UGT8: variants seen among roughly 807,000 people sequenced by gnomAD.
UGT8 encodes UDP glycosyltransferase 8, also known as 2-hydroxyacylsphingosine 1-beta-galactosyltransferase.
A neutral mutation model predicts 40.5 loss-of-function variants in UGT8; 12 were observed. The observed-to-expected ratio is 0.30, with a 90% CI of 0.19 to 0.48. UGT8 has a LOEUF of 0.48. Ranked by LOEUF, UGT8 falls within the 20% of genes least tolerant of loss-of-function variation. The probability of loss-of-function intolerance (pLI) is 0.99; values close to 1 mark genes in which losing one functional copy is unlikely to be tolerated. For synonymous variants in UGT8, 224 were observed against 240.4 expected, an observed-to-expected ratio of 0.93 and a Z score of 0.63; for missense variants, 513 against 648.7, an observed-to-expected ratio of 0.79 and a Z score of 2.27.
chr4:114,672,305 A>G (rs1560712548), intron 5 of UGT8, among the ~76,000 whole-genome samples: 1 of 152,224 alleles, frequency 6.6e-6, no homozygotes. Context: ...TTGACCCAGC[A>G]ATCCCAGTAC....
intron 2 of UGT8, among the ~76,000 whole-genome samples, chr4:114,653,059 G>A (rs539674972): frequency 6.6e-6 from 1 of 151,956 alleles, no homozygotes; most frequent in South Asian, 2.1e-4. Flanking sequence ...GTTCTGGATC[G>A]TTGACTTTGT....
chr4:114,609,650 G>T (rs1056470710), intron 1 of UGT8, among the ~76,000 whole-genome samples: 2 of 152,076 alleles, frequency 1.3e-5, no homozygotes, highest in Admixed American at 6.5e-5. Flanking sequence ...GTGGAGATGG[G>T]ATAGGCATCT....
chr4:114,669,596 T>A (rs1369446316), intron 5 of UGT8, among the ~76,000 whole-genome samples: 1 of 152,104 alleles, frequency 6.6e-6, no homozygotes, highest in Non-Finnish European at 1.5e-5. Context: ...AGGAAGTTAG[T>A]CCAGCTGTGT....
chr4:114,620,967 A>G (rs184629689), intron 1 of UGT8, among the ~76,000 whole-genome samples: 1 of 152,274 alleles, frequency 6.6e-6, no homozygotes, highest in East Asian at 1.9e-4. Flanking sequence ...AGATTTTTGA[A>G]ATGTGTCCAG....
At chr4:114,644,306 A>G (rs1051105763) in intron 2 of UGT8, among the ~76,000 whole-genome samples, 1 of 152,170 alleles carries the variant, frequency 6.6e-6, no homozygotes, top group African/African-American at 2.4e-5. Flanking sequence ...TAATAACCAG[A>G]TTAGGAATAT....
chr4:114,641,519 C>A (rs535968139), intron 2 of UGT8, among the ~76,000 whole-genome samples: 3 of 152,078 alleles, frequency 2.0e-5, no homozygotes, highest in Non-Finnish European at 4.4e-5. Flanking sequence ...AAAACTGTGG[C>A]GTCTGTAAAC....
intron 1 of UGT8, among the ~76,000 whole-genome samples, chr4:114,609,876 A>G (rs145194479): frequency 0.018 from 2,697 of 152,302 alleles, 31 homozygotes; most frequent in Non-Finnish European, 0.028. Flanking sequence ...GGTGGCCTGT[A>G]CAGTGAGTAT....
intron 1 of UGT8, among the ~76,000 whole-genome samples, chr4:114,621,530 A>G (rs1457975443): frequency 1.3e-5 from 2 of 152,200 alleles, no homozygotes; most frequent in Non-Finnish European, 1.5e-5. Context: ...TTTCTTTGGT[A>G]TGCTTTGATT....
At chr4:114,624,112 G>T (rs1402680727) in intron 2 of UGT8, among the ~76,000 whole-genome samples, 2 of 152,162 alleles carry the variant, frequency 1.3e-5, no homozygotes, top group East Asian at 3.8e-4. Context: ...TTAGCTTCAG[G>T]TCAGTGAACA....
intron 2 of UGT8, chr4:114,663,650 CT>C (rs1433095107): frequency 1.2e-5 from 12 of 979,158 alleles, no homozygotes; most frequent in African/African-American, 1.8e-5. Context: ...TAATCCACAT[CT>C]TTTGTTTGTG....
At chr4:114,622,854 A>T in intron 1 of UGT8, 25 bp from the exon 2 acceptor site, 2 of 1,567,568 alleles carry the variant, frequency 1.3e-6, no homozygotes, top group Non-Finnish European at 1.7e-6. Flanking sequence ...TTTTGTTTTA[A>T]GTTGTTTTCT....
At chr4:114,662,155 A>G (rs1206577073) in intron 2 of UGT8, among the ~76,000 whole-genome samples, 1 of 152,230 alleles carries the variant, frequency 6.6e-6, no homozygotes, top group African/African-American at 2.4e-5. Flanking sequence ...TAAAACTATC[A>G]TAAGTTGAAA....
chr4:114,654,066 T>C (rs1398173984), intron 2 of UGT8, among the ~76,000 whole-genome samples: 1 of 152,122 alleles, frequency 6.6e-6, no homozygotes, highest in East Asian at 1.9e-4. Context: ...ACCAGAATTA[T>C]TTTGGAAATT....
At chr4:114,637,351 C>T (rs1249837093) in intron 2 of UGT8, among the ~76,000 whole-genome samples, 1 of 152,148 alleles carries the variant, frequency 6.6e-6, no homozygotes, top group Non-Finnish European at 1.5e-5. Flanking sequence ...GGACACATCC[C>T]ATGTTGCTGT....
chr4:114,663,559 A>G (rs1360694060), intron 2 of UGT8: 1 of 221,520 alleles, frequency 4.5e-6, no homozygotes, highest in Non-Finnish European at 7.6e-6. Context: ...TTGATTTTCA[A>G]CACAAATCAA....
At chr4:114,664,914 CA>C (rs1332146885) in intron 3 of UGT8, among the ~76,000 whole-genome samples, 1 of 152,154 alleles carries the variant, frequency 6.6e-6, no homozygotes, top group African/African-American at 2.4e-5. Flanking sequence ...CCCTTTATAG[CA>C]AATGAGTAAG....
At chr4:114,661,798 C>A (rs1362584292) in intron 2 of UGT8, among the ~76,000 whole-genome samples, 4 of 152,148 alleles carry the variant, frequency 2.6e-5, no homozygotes, top group African/African-American at 9.7e-5. Flanking sequence ...ATAATATCTT[C>A]TAAAAGTACT....
In UGT8 at chr4:114,677,587, C is replaced by G. The variant is rs1332363226; in HGVS notation, c.*1299C>G. On this transcript the variant is annotated 3_prime_UTR_variant, in exon 6 of 6. Transcript: ENST00000310836. ...AGCAGTGACAGTATTCATTTGAGAA[C>G]AGGGATGCAAGTCACAGACATCATA... The G allele has an allele frequency of 1.3e-5, 2 of 152,260 alleles. No homozygotes were observed. The highest frequency in any genetic ancestry group is 3.8e-4 in the East Asian group (2 of 5,202). 9.4% of individuals were successfully genotyped at this position (152,260 alleles called of 1,614,324 possible). A position where few individuals can be genotyped will look rare whatever the true frequency, so the allele number is the denominator to read the frequency against.
At chr4:114,659,447 G>C (rs1205043905) in intron 2 of UGT8, among the ~76,000 whole-genome samples, 1 of 152,134 alleles carries the variant, frequency 6.6e-6, no homozygotes, top group Non-Finnish European at 1.5e-5. Context: ...GCTGATTTCT[G>C]GTTCAGTATT....
Sources: gnomAD v4.1 joint callset for allele counts (sites outside exome capture counted in the v4.1 genomes callset) on GRCh38, gnomAD v4.1.1 for gene constraint, MANE v1.5 for transcripts, NCBI Gene and HGNC (gene_info 2026-07-23, HGNC 2026-07-21) for gene names.